The following MIPOL1 variants were observed in gnomAD, a reference collection of about 807,000 sequenced individuals.
MIPOL1 encodes mirror-image polydactyly gene 1 protein.
A neutral mutation model predicts 60.9 loss-of-function variants in MIPOL1; 57 were observed. The observed-to-expected ratio is 0.94, with a 90% confidence interval of 0.76 to 1.17. The LOEUF (loss-of-function observed/expected upper bound fraction) is 1.17, where lower values mean the gene tolerates loss of function less well. Among genes scored for constraint, MIPOL1 ranks in the 50% most tolerant of loss-of-function variants. The probability of loss-of-function intolerance (pLI) is 0.00; values close to 1 mark genes in which losing one functional copy is unlikely to be tolerated. For missense variants in MIPOL1, 551 were observed against 511.6 expected (o/e 1.08, Z -0.74); for synonymous variants, 179 against 168.8 (o/e 1.06, Z -0.47).
In MIPOL1 at chr14:37,255,143, A is replaced by G. The variant is rs1331308107; in HGVS notation, c.19+7236A>G. On this transcript the variant is annotated intron_variant, in intron 3 of 12. Coordinates refer to ENST00000684589, the MANE Select transcript of MIPOL1 (RefSeq NM_001388067.1). ...TGCCAGAACACCTCTTGTAACACAT[A>G]TTTACAACATGCAGCTTAACGTAAT... Among the ~76,000 whole-genome samples, 5 of 151,834 alleles carry G rather than the reference A, an allele frequency of 3.3e-5. No homozygotes were observed. In the East Asian group the frequency reaches 9.6e-4, roughly 29 times the overall value.
intron 12 of MIPOL1, among the ~76,000 whole-genome samples, chr14:37,509,588 A>G (rs1219887152): frequency 6.6e-6 from 1 of 151,744 alleles, no homozygotes; most frequent in Non-Finnish European, 1.5e-5. Flanking sequence ...ATATATATGT[A>G]CATATATAGT....
At chr14:37,451,951 A>G (rs2094426114) in intron 11 of MIPOL1, among the ~76,000 whole-genome samples, 1 of 150,006 alleles carries the variant, frequency 6.7e-6, no homozygotes, top group Non-Finnish European at 1.5e-5. Flanking sequence ...AGTAGCTGGG[A>G]CTACAGGCGC....
chr14:37,401,272 C>T (rs1162380160), intron 10 of MIPOL1: 2 of 152,026 alleles, frequency 1.3e-5, no homozygotes, highest in East Asian at 3.9e-4. Context: ...GAAGAAAACT[C>T]ATTTGAGCTG....
rs538500894 is a variant in MIPOL1 at position 37,256,562 on chromosome 14, A to T, written c.19+8655A>T. 8.6e-5 allele frequency among the ~76,000 whole-genome samples: 13 copies of T among 151,716 alleles called. No homozygotes were observed. The East Asian group carries it at 2.1e-3, about 25-fold the overall frequency. On this transcript the variant is annotated intron_variant, in intron 3 of 12. Transcript: ENST00000684589. ...CAATTGCTTTTAAGAGTTTAAAGTT[A>T]AAAAAAGTAATGATTACAGTTCAGC...
intron 10 of MIPOL1, among the ~76,000 whole-genome samples, chr14:37,378,183 C>G (rs1438443118): frequency 6.6e-6 from 1 of 152,034 alleles, no homozygotes; most frequent in Non-Finnish European, 1.5e-5. Context: ...TATTGCACTC[C>G]TGGATCTTTA....
intron 7 of MIPOL1, among the ~76,000 whole-genome samples, chr14:37,294,186 C>G (rs1158187193): frequency 6.6e-6 from 1 of 152,176 alleles, no homozygotes; most frequent in East Asian, 1.9e-4. Flanking sequence ...ACTGCTGATA[C>G]CCAGGCAAAC....
intron 12 of MIPOL1, among the ~76,000 whole-genome samples, chr14:37,509,305 ATATAT>A (rs1309372712): frequency 2.0e-5 from 3 of 151,752 alleles, no homozygotes; most frequent in African/African-American, 7.3e-5. Flanking sequence ...AGTTTTATAT[ATATAT>A]TATATGTATG....
Position 37,374,013 on chromosome 14 carries a change from G to A in MIPOL1, c.936+4389G>A, listed in dbSNP as rs149750532. ...ACACTCCCACCAACAGTGTAAAAAC[G>A]TTCCTATTTCTCCACATCCTCTCCA... On this transcript the variant is annotated intron_variant, in intron 10 of 12. Coordinates refer to ENST00000684589, the MANE Select transcript of MIPOL1 (RefSeq NM_001388067.1). 2.7e-3 allele frequency among the ~76,000 whole-genome samples: 411 copies of A among 152,178 alleles called. 3 individuals are homozygous for A. Among genetic ancestry groups the A allele is most frequent in the African/African-American group, 9.6e-3 (398 of 41,528 alleles).
intron 9 of MIPOL1, among the ~76,000 whole-genome samples, chr14:37,358,669 C>A (rs1397736052): frequency 6.6e-6 from 1 of 152,116 alleles, no homozygotes; most frequent in Non-Finnish European, 1.5e-5. Context: ...CCTTTGCCCA[C>A]TTTTTCACGG....
At chr14:37,426,594 T>TATATATATATATATATAC (rs1447990257) in intron 11 of MIPOL1, among the ~76,000 whole-genome samples, 223 of 125,354 alleles carry the variant, frequency 1.8e-3, no homozygotes, top group African/African-American at 2.0e-3. Flanking sequence ...TATATATATA[T>TATATATATATATATATAC]ACACACACAC....
rs2095555879 is a variant in MIPOL1 at position 37,549,295 on chromosome 14, C to T, written c.*2324C>T. The T allele has an allele frequency of 6.6e-6, 1 of 151,788 alleles. No individual in the cohort carries two copies. Among genetic ancestry groups the T allele is most frequent in the Admixed American group, 6.6e-5 (1 of 15,226 alleles). The allele number at this position is 151,788 out of a possible 1,614,324, so 9.4% of individuals were successfully genotyped here. A position where few individuals can be genotyped will look rare whatever the true frequency, so the allele number is the denominator to read the frequency against. ...AAAAATAAGTAATTTACAGGAAAGG[C>T]AAAATGCTAATACTAACATTTGTAG... On this transcript the variant is annotated 3_prime_UTR_variant, in exon 13 of 13. Transcript: ENST00000684589.
intron 10 of MIPOL1, among the ~76,000 whole-genome samples, chr14:37,414,999 C>A (rs781458170): frequency 6.6e-6 from 1 of 152,102 alleles, no homozygotes; most frequent in South Asian, 2.1e-4. Context: ...ACCCCTGCCC[C>A]CAAAACAGAG....
At chr14:37,399,017 C>A (rs1347791599) in intron 10 of MIPOL1, among the ~76,000 whole-genome samples, 1 of 152,188 alleles carries the variant, frequency 6.6e-6, no homozygotes, top group Non-Finnish European at 1.5e-5. Flanking sequence ...TTTGACACAT[C>A]ACTTGATATA....
intron 11 of MIPOL1, among the ~76,000 whole-genome samples, chr14:37,481,741 A>G (rs1274595723): frequency 6.6e-6 from 1 of 152,124 alleles, no homozygotes; most frequent in Non-Finnish European, 1.5e-5. Context: ...AAATATACCT[A>G]TTGACCAATG....
At chr14:37,419,761 G>A (rs906768268) in intron 10 of MIPOL1, among the ~76,000 whole-genome samples, 1 of 151,398 alleles carries the variant, frequency 6.6e-6, no homozygotes, top group Non-Finnish European at 1.5e-5. Flanking sequence ...CTTTTTTAGA[G>A]ACAGGGTCTC....
intron 1 of MIPOL1, among the ~76,000 whole-genome samples, chr14:37,240,855 G>A (rs890038391): frequency 6.6e-6 from 1 of 152,018 alleles, no homozygotes; most frequent in Non-Finnish European, 1.5e-5. Flanking sequence ...TATATTTGAA[G>A]CACCAAGTAT....
At chr14:37,324,897 T>G (rs1387974576) in intron 9 of MIPOL1, among the ~76,000 whole-genome samples, 1 of 152,168 alleles carries the variant, frequency 6.6e-6, no homozygotes, top group Non-Finnish European at 1.5e-5. Context: ...TCTCTTCTAA[T>G]GATCTATTTA....
chr14:37,521,094 G>A (rs2095410235), intron 12 of MIPOL1, among the ~76,000 whole-genome samples: 1 of 151,426 alleles, frequency 6.6e-6, no homozygotes, highest in Non-Finnish European at 1.5e-5. Flanking sequence ...CAGCCACCAC[G>A]CCTGGCTAAT....
intron 9 of MIPOL1, among the ~76,000 whole-genome samples, chr14:37,313,819 G>A (rs142642555): frequency 6.6e-6 from 1 of 152,232 alleles, no homozygotes; most frequent in Non-Finnish European, 1.5e-5. Context: ...TATATGAAAA[G>A]GTGCATACAG....
Sources: gnomAD v4.1 joint callset for allele counts (sites outside exome capture counted in the v4.1 genomes callset) on GRCh38, gnomAD v4.1.1 for gene constraint, MANE v1.5 for transcripts, NCBI Gene and HGNC (gene_info 2026-07-23, HGNC 2026-07-21) for gene names.